The following CNTN6 variants were observed in gnomAD, a reference collection of about 807,000 sequenced individuals.
CNTN6 encodes contactin-6.
A neutral mutation model predicts 122.8 loss-of-function variants in CNTN6; 137 were observed. The ratio of observed to expected loss-of-function variants is 1.12; its 90% CI spans 0.97 to 1.29. CNTN6 has a LOEUF of 1.29. Among genes scored for constraint, CNTN6 ranks in the 50% most tolerant of loss-of-function variants. CNTN6 has a pLI of 0.00. For synonymous variants in CNTN6, 570 were observed against 426.0 expected, an observed-to-expected ratio of 1.34 and a Z score of -4.16; for missense variants, 1,634 against 1,223.4, an observed-to-expected ratio of 1.34 and a Z score of -5.01.
At chr3:1,221,194 C>CA (rs144314897) in intron 3 of CNTN6, among the ~76,000 whole-genome samples, 2,504 of 148,408 alleles carry the variant, frequency 0.017, 81 homozygotes, top group African/African-American at 0.059. Flanking sequence ...AAGAGAAAGA[C>CA]AGGAAGCAAG....
At chr3:1,380,311 T>C (rs1710475421) in intron 17 of CNTN6, among the ~76,000 whole-genome samples, 1 of 152,220 alleles carries the variant, frequency 6.6e-6, no homozygotes, top group Non-Finnish European at 1.5e-5. Flanking sequence ...ATCTTTCCCG[T>C]GTTTTCCCCA....
chr3:1,402,538 C>A, intron 22 of CNTN6, 52 bp downstream of exon 22: 2 of 1,460,816 alleles, frequency 1.4e-6, no homozygotes, highest in South Asian at 1.3e-5. Flanking sequence ...ACAGCTGCAG[C>A]ATGAAATTCA....
At chr3:1,366,726 G>T (rs1424883857) in intron 12 of CNTN6, among the ~76,000 whole-genome samples, 2 of 152,076 alleles carry the variant, frequency 1.3e-5, no homozygotes, top group African/African-American at 4.8e-5. Flanking sequence ...GCAATCAATG[G>T]CCTCATGGCT....
chr3:1,160,866 G>A (rs1008937654), intron 2 of CNTN6, among the ~76,000 whole-genome samples: 11 of 151,860 alleles, frequency 7.2e-5, no homozygotes, highest in African/African-American at 2.7e-4. Flanking sequence ...TAAGCAAGTC[G>A]TTTAAACACA....
At chr3:1,152,914 G>T (rs1294555300) in intron 2 of CNTN6, among the ~76,000 whole-genome samples, 1 of 152,072 alleles carries the variant, frequency 6.6e-6, no homozygotes, top group East Asian at 1.9e-4. Context: ...ATAAACAATA[G>T]CAGAATAGTA....
chr3:1,119,353 G>GTGTGT (rs377642286), intron 1 of CNTN6, among the ~76,000 whole-genome samples: 1 of 150,146 alleles, frequency 6.7e-6, no homozygotes, highest in Non-Finnish European at 1.5e-5. Flanking sequence ...GTGTGTGTGT[G>GTGTGT]GAGAATGTCT....
At chr3:1,250,902 C>G (rs979906200) in intron 4 of CNTN6, among the ~76,000 whole-genome samples, 2 of 137,584 alleles carry the variant, frequency 1.5e-5, no homozygotes, top group Non-Finnish European at 3.1e-5. Flanking sequence ...GTCGTCCCAT[C>G]TCCTCCGTGC....
At chr3:1,155,941 T>A (rs372799576) in intron 2 of CNTN6, among the ~76,000 whole-genome samples, 4 of 152,358 alleles carry the variant, frequency 2.6e-5, no homozygotes, top group African/African-American at 7.2e-5. Flanking sequence ...TTACTCTATG[T>A]CAAGACCTTT....
chr3:1,367,463 T>C (rs535763252), intron 12 of CNTN6, among the ~76,000 whole-genome samples: 2 of 152,090 alleles, frequency 1.3e-5, no homozygotes, highest in African/African-American at 4.8e-5. Flanking sequence ...GTCCCCATGT[T>C]TGAAATATTC....
intron 2 of CNTN6, among the ~76,000 whole-genome samples, chr3:1,202,873 G>A (rs2093905312): frequency 6.6e-6 from 1 of 152,162 alleles, no homozygotes; most frequent in Non-Finnish European, 1.5e-5. Context: ...TTACTGAGAG[G>A]AAGATAATTT....
chr3:1,287,898 A>G (rs1694620034), intron 5 of CNTN6, among the ~76,000 whole-genome samples: 2 of 152,336 alleles, frequency 1.3e-5, no homozygotes, highest in South Asian at 4.1e-4. Flanking sequence ...CCCCATGTTT[A>G]GCATATGAGC....
At chr3:1,279,875 A>G (rs1445575797) in intron 5 of CNTN6, among the ~76,000 whole-genome samples, 1 of 152,226 alleles carries the variant, frequency 6.6e-6, no homozygotes, top group Non-Finnish European at 1.5e-5. Flanking sequence ...ATTCGGTATT[A>G]TTAGAGAGTA....
intron 2 of CNTN6, among the ~76,000 whole-genome samples, chr3:1,208,115 A>G (rs764693916): frequency 6.6e-6 from 1 of 151,968 alleles, no homozygotes; most frequent in Admixed American, 6.6e-5. Context: ...AATCTCCTTG[A>G]TCTGTGGTTT....
intron 1 of CNTN6, among the ~76,000 whole-genome samples, chr3:1,111,654 G>T (rs149801803): frequency 6.6e-6 from 1 of 152,172 alleles, no homozygotes; most frequent in Non-Finnish European, 1.5e-5. Flanking sequence ...CTCAACATCT[G>T]TCAATTACTG....
intron 1 of CNTN6, among the ~76,000 whole-genome samples, chr3:1,099,237 G>C (rs534462472): frequency 5.9e-5 from 9 of 152,046 alleles, no homozygotes; most frequent in African/African-American, 9.7e-5. Context: ...GGATCACGAG[G>C]TCAGGAGATC....
At chr3:1,386,262 T>A (rs1325397670) in intron 20 of CNTN6, among the ~76,000 whole-genome samples, 15 of 97,262 alleles carry the variant, frequency 1.5e-4, no homozygotes, top group African/African-American at 4.4e-4. Flanking sequence ...CAGTAAATGG[T>A]TTTTTTGTTT....
At chr3:1,171,125 T>G (rs1215781591) in intron 2 of CNTN6, among the ~76,000 whole-genome samples, 1 of 152,164 alleles carries the variant, frequency 6.6e-6, no homozygotes, top group African/African-American at 2.4e-5. Flanking sequence ...ACTGGGAAAT[T>G]TGCTGTCATT....
chr3:1,267,707 T>C (rs2094948932), intron 4 of CNTN6, among the ~76,000 whole-genome samples: 2 of 152,210 alleles, frequency 1.3e-5, no homozygotes, highest in African/African-American at 4.8e-5. Flanking sequence ...AAAGATAAAA[T>C]AATATTTATA....
At chr3:1,110,337 A>G (rs1473621606) in intron 1 of CNTN6, among the ~76,000 whole-genome samples, 3 of 152,104 alleles carry the variant, frequency 2.0e-5, no homozygotes, top group Non-Finnish European at 4.4e-5. Flanking sequence ...GAAACCACAT[A>G]AAACAGGTAT....
Sources: allele counts gnomAD v4.1 joint callset (sites outside exome capture counted in the v4.1 genomes callset), GRCh38; gene constraint gnomAD v4.1.1; transcripts MANE v1.5; gene names NCBI Gene and HGNC (gene_info 2026-07-23, HGNC 2026-07-21).